The following CSMD3 variants were observed in gnomAD, a reference collection of about 807,000 sequenced individuals.
CSMD3 encodes CUB and sushi domain-containing protein 3.
A neutral mutation model predicts 435.2 loss-of-function variants in CSMD3; 177 were observed. The ratio of observed to expected loss-of-function variants is 0.41; its 90% CI spans 0.36 to 0.46. The LOEUF (loss-of-function observed/expected upper bound fraction) is 0.46, where lower values mean the gene tolerates loss of function less well. CSMD3 is among the 20% of genes least tolerant of loss of function. The pLI is 0.34. For missense variants in CSMD3, 4,265 were observed against 4,504.6 expected, an observed-to-expected ratio of 0.95 and a Z score of 1.52; for synonymous variants, 1,656 against 1,520.5, an observed-to-expected ratio of 1.09 and a Z score of -2.07.
intron 35 of CSMD3, among the ~76,000 whole-genome samples, chr8:112,392,869 T>C (rs1003627532): frequency 1.4e-5 from 2 of 140,704 alleles, no homozygotes; most frequent in South Asian, 4.3e-4. Flanking sequence ...TTTTTCTTTT[T>C]TTTTTTTTTT....
intron 1 of CSMD3, among the ~76,000 whole-genome samples, 196 bp from the exon 2 acceptor site, chr8:113,314,989 A>T (rs1303570406): frequency 6.6e-6 from 1 of 152,216 alleles, no homozygotes; most frequent in South Asian, 2.1e-4. Context: ...AAGATTTATC[A>T]TTTATAATAC....
intron 6 of CSMD3, among the ~76,000 whole-genome samples, chr8:113,005,943 C>T (rs1375097130): frequency 6.6e-6 from 1 of 151,992 alleles, no homozygotes; most frequent in African/African-American, 2.4e-5. Context: ...CAAACTGCAG[C>T]TTACTACATG....
At chr8:113,044,669 G>A (rs1328363051) in intron 5 of CSMD3, among the ~76,000 whole-genome samples, 5 of 149,046 alleles carry the variant, frequency 3.4e-5, no homozygotes, top group African/African-American at 1.2e-4. Context: ...GAATATAACT[G>A]TGAATATATC....
chr8:112,696,649 C>T (rs970560144), intron 13 of CSMD3, among the ~76,000 whole-genome samples: 4 of 152,162 alleles, frequency 2.6e-5, no homozygotes, highest in African/African-American at 9.7e-5. Flanking sequence ...CAATACCATT[C>T]AGGACATAGG....
chr8:112,290,263 G>C (rs987467921), intron 56 of CSMD3, among the ~76,000 whole-genome samples: 3 of 152,044 alleles, frequency 2.0e-5, no homozygotes, highest in Admixed American at 2.0e-4. Context: ...CATATCTCTA[G>C]AGTATCATAC....
At chr8:112,695,348 A>G (rs1337874229) in intron 13 of CSMD3, among the ~76,000 whole-genome samples, 1 of 152,172 alleles carries the variant, frequency 6.6e-6, no homozygotes, top group African/African-American at 2.4e-5. Flanking sequence ...TATACTGTCA[A>G]TATTATTTTC....
At chr8:112,472,398 A>C (rs537484397) in intron 32 of CSMD3, among the ~76,000 whole-genome samples, 193 bp downstream of exon 32, 1 of 152,274 alleles carries the variant, frequency 6.6e-6, no homozygotes, top group East Asian at 1.9e-4. Context: ...TCACCTGTGT[A>C]CTTGACTGTA....
At chr8:113,365,027 A>G (rs1026776150) in intron 1 of CSMD3, among the ~76,000 whole-genome samples, 2 of 152,056 alleles carry the variant, frequency 1.3e-5, no homozygotes, top group South Asian at 2.1e-4. Flanking sequence ...GCATCCCTTA[A>G]TATCTCTCAG....
chr8:112,911,079 C>G (rs958568737), intron 10 of CSMD3, among the ~76,000 whole-genome samples: 5 of 151,734 alleles, frequency 3.3e-5, no homozygotes, highest in African/African-American at 1.2e-4. Context: ...TTGTTGTTCC[C>G]TCAATTCACT....
At chr8:113,144,457 C>T (rs1216321621) in intron 4 of CSMD3, among the ~76,000 whole-genome samples, 2 of 151,512 alleles carry the variant, frequency 1.3e-5, no homozygotes, top group Non-Finnish European at 3.0e-5. Context: ...ATTAAAGATG[C>T]ACAGATTTAT....
intron 10 of CSMD3, among the ~76,000 whole-genome samples, chr8:112,866,528 T>A (rs2080988907): frequency 6.6e-6 from 1 of 152,150 alleles, no homozygotes; most frequent in South Asian, 2.1e-4. Context: ...TGGAAAATAA[T>A]GAATCCGCTA....
chr8:113,130,522 C>G (rs1185883221), intron 4 of CSMD3, among the ~76,000 whole-genome samples: 2 of 152,118 alleles, frequency 1.3e-5, no homozygotes, highest in African/African-American at 4.8e-5. Context: ...CCTGAGCCCT[C>G]CCAGTCATGC....
rs189673327 is a variant in CSMD3 at position 112,267,805 on chromosome 8, G to T, written c.9509-2215C>A. 6.1e-3 allele frequency among the ~76,000 whole-genome samples: 929 copies of T among 152,134 alleles called. 5 individuals carry two copies. Among genetic ancestry groups the T allele is most frequent in the South Asian group, 0.025 (121 of 4,812 alleles). On this transcript the variant is annotated intron_variant, in intron 59 of 70. Transcript: ENST00000297405. ...GCGTGACAACAAAAGCTTTAGAAGG[G>T]TTTGTTTGGTGACTTCCTAATGAAG...
chr8:112,535,461 C>T (rs1026233427), intron 27 of CSMD3, among the ~76,000 whole-genome samples: 4 of 151,340 alleles, frequency 2.6e-5, no homozygotes, highest in Non-Finnish European at 4.4e-5. Flanking sequence ...ATCCAACTTA[C>T]AAGGGATGTG....
rs184780708 is a variant in CSMD3, at chr8:112,913,273, T to C, written c.1633+8354A>G. On this transcript the variant is annotated intron_variant, in intron 10 of 70. Coordinates refer to ENST00000297405, the MANE Select transcript of CSMD3 (RefSeq NM_198123.2). ...GATTCAAGCACATTATATTTATCATTAGATTCTCATAAGGAGCATGCAAAC... is the reference window on the plus strand; with the variant it reads ...GATTCAAGCACATTATATTTATCATCAGATTCTCATAAGGAGCATGCAAAC... Among the ~76,000 whole-genome samples the C allele has an allele frequency of 7.9e-4, 120 of 152,054 alleles. 1 individual carries two copies. Among genetic ancestry groups the C allele is most frequent in the African/African-American group, 2.7e-3 (112 of 41,548 alleles).
intron 27 of CSMD3, among the ~76,000 whole-genome samples, chr8:112,518,629 T>TGTGTGAGA (rs774602764): frequency 1.6e-5 from 2 of 124,116 alleles, no homozygotes; most frequent in African/African-American, 5.8e-5. Context: ...TGTGTGTGTG[T>TGTGTGAGA]GAGAGAGAGA....
intron 3 of CSMD3, among the ~76,000 whole-genome samples, chr8:113,247,124 A>C (rs549070841): frequency 6.6e-6 from 1 of 152,310 alleles, no homozygotes; most frequent in African/African-American, 2.4e-5. Flanking sequence ...CTCATTCTCC[A>C]CAGGAGCTGT....
At chr8:113,077,701 C>T (rs1392684590) in intron 5 of CSMD3, among the ~76,000 whole-genome samples, 2 of 151,978 alleles carry the variant, frequency 1.3e-5, no homozygotes, top group Non-Finnish European at 2.9e-5. Flanking sequence ...AGACTCTTGT[C>T]TCAAAACAAA....
chr8:113,342,098 A>C (rs1266653320), intron 1 of CSMD3, among the ~76,000 whole-genome samples: 2 of 152,158 alleles, frequency 1.3e-5, no homozygotes, highest in South Asian at 2.1e-4. Flanking sequence ...AAAAACAAGA[A>C]GAAAATTTTG....
Sources: gnomAD v4.1 joint callset for allele counts (sites outside exome capture counted in the v4.1 genomes callset) on GRCh38, gnomAD v4.1.1 for gene constraint, MANE v1.5 for transcripts, NCBI Gene and HGNC (gene_info 2026-07-23, HGNC 2026-07-21) for gene names.